Variants in CADM2 observed in about 807,000 individuals in gnomAD.
The protein encoded by CADM2 is cell adhesion molecule 2.
CADM2 carries 12 observed loss-of-function variants against 49.8 expected under a neutral mutation model. The observed-to-expected ratio is 0.24, with a 90% CI of 0.15 to 0.39. The LOEUF (loss-of-function observed/expected upper bound fraction) is 0.39. Ranked by LOEUF, CADM2 falls within the 10% of genes least tolerant of loss-of-function variation. CADM2 has a pLI of 1.00. For synonymous variants in CADM2, 214 were observed against 175.4 expected (o/e 1.22, Z -1.74); for missense variants, 378 against 492.3 (o/e 0.77, Z 2.20).
At chr3:85,406,172 T>C (rs1214955841) in intron 1 of CADM2, among the ~76,000 whole-genome samples, 2 of 152,030 alleles carry the variant, frequency 1.3e-5, no homozygotes, top group East Asian at 3.9e-4. Context: ...ACTGTATTGA[T>C]TATAAAAATG....
At chr3:85,337,004 A>T (rs1440583452) in intron 1 of CADM2, among the ~76,000 whole-genome samples, 6 of 136,812 alleles carry the variant, frequency 4.4e-5, no homozygotes, top group Admixed American at 1.5e-4. Flanking sequence ...AATATATATT[A>T]AATATAATAT....
At chr3:85,568,437 T>TTC (rs1161376935) in intron 1 of CADM2, among the ~76,000 whole-genome samples, 3 of 20,380 alleles carry the variant, frequency 1.5e-4, no homozygotes, top group Non-Finnish European at 3.3e-4. Flanking sequence ...CTTTCTTTCT[T>TTC]TCTTTCTTTC....
intron 1 of CADM2, among the ~76,000 whole-genome samples, chr3:85,433,535 C>T (rs2036785641): frequency 6.6e-6 from 1 of 152,130 alleles, no homozygotes; most frequent in African/African-American, 2.4e-5. Context: ...TGCTCCTTTG[C>T]CAGAGCATTG....
chr3:85,557,379 A>C (rs761306267), intron 1 of CADM2, among the ~76,000 whole-genome samples: 1 of 151,952 alleles, frequency 6.6e-6, no homozygotes, highest in African/African-American at 2.4e-5. Flanking sequence ...ACTAACAGTT[A>C]TTGAAACAGT....
chr3:84,959,158 A>T lies in CADM2; in HGVS notation c.-450A>T, dbSNP rs2030195029. The T allele has an allele frequency of 5.4e-6, 1 of 185,064 alleles. No homozygotes were observed. Among genetic ancestry groups the T allele is most frequent in the South Asian group, 8.5e-5 (1 of 11,754 alleles). 11.5% of individuals were successfully genotyped at this position (185,064 alleles called of 1,614,324 possible). ...CCGAGACACCCCGGGCGCGAGCGGC[A>T]GTGCTGCTTGCTTGCTCCTCCTCTC... is the stretch of plus-strand genomic sequence containing the variant. On this transcript the variant is annotated 5_prime_UTR_variant, in exon 1 of 10. Coordinates refer to ENST00000383699, the MANE Select transcript of CADM2 (RefSeq NM_001167675.2).
At chr3:85,449,684 A>G (rs1489003762) in intron 1 of CADM2, among the ~76,000 whole-genome samples, 1 of 152,192 alleles carries the variant, frequency 6.6e-6, no homozygotes, top group Non-Finnish European at 1.5e-5. Context: ...ACATTAAAGT[A>G]AATGTGGAAA....
At chr3:85,314,857 A>C (rs1553707739) in intron 1 of CADM2, among the ~76,000 whole-genome samples, 1 of 152,222 alleles carries the variant, frequency 6.6e-6, no homozygotes, top group Non-Finnish European at 1.5e-5. Flanking sequence ...TTTTCTAGTT[A>C]TGATAAAACA....
chr3:85,574,875 C>G (rs557249795), intron 1 of CADM2, among the ~76,000 whole-genome samples: 1 of 152,132 alleles, frequency 6.6e-6, no homozygotes, highest in African/African-American at 2.4e-5. Flanking sequence ...TCTCTGGTCA[C>G]AGCAGGAGGC....
intron 1 of CADM2, among the ~76,000 whole-genome samples, chr3:85,543,123 A>C (rs2107054973): frequency 6.6e-6 from 1 of 152,302 alleles, no homozygotes; most frequent in Non-Finnish European, 1.5e-5. Flanking sequence ...TTTGAAAGGC[A>C]GTAGATGTCC....
intron 2 of CADM2, among the ~76,000 whole-genome samples, chr3:85,736,086 GATCA>G (rs1230569012): frequency 6.6e-6 from 1 of 151,758 alleles, no homozygotes; most frequent in Non-Finnish European, 1.5e-5. Flanking sequence ...GCCTTAAAGA[GATCA>G]ATCAGATGAT....
chr3:86,016,738 G>C (rs1732287420), intron 8 of CADM2, among the ~76,000 whole-genome samples: 1 of 151,972 alleles, frequency 6.6e-6, no homozygotes, highest in Non-Finnish European at 1.5e-5. Flanking sequence ...TTAACACTTA[G>C]GGAAATCATG....
chr3:85,606,401 G>C (rs151149983), intron 1 of CADM2, among the ~76,000 whole-genome samples: 1 of 152,158 alleles, frequency 6.6e-6, no homozygotes, highest in African/African-American at 2.4e-5. Flanking sequence ...AGCAAAATTG[G>C]AGTGCCCGCA....
chr3:85,025,955 C>G (rs1398655258), intron 1 of CADM2, among the ~76,000 whole-genome samples: 6 of 152,086 alleles, frequency 3.9e-5, no homozygotes, highest in Admixed American at 1.3e-4. Flanking sequence ...TAAAGATTTT[C>G]TGGCTCTGAA....
Position 85,567,333 on chromosome 3 carries a change from ATTTTC to A in CADM2, c.62-159183_62-159179del, listed in dbSNP as rs113059820. On this transcript the variant is annotated intron_variant, in intron 1 of 9. Coordinates refer to ENST00000383699, the MANE Select transcript of CADM2 (RefSeq NM_001167675.2). ...TTTACTGCCTTACTTTTCCATGAGT[ATTTTC>A]TTTTCCTTAAAACACATTTTCTTAC... Among the ~76,000 whole-genome samples the A allele has an allele frequency of 9.7e-3, 1,479 of 152,188 alleles. 25 individuals carry two copies. Among genetic ancestry groups the A allele is most frequent in the African/African-American group, 0.032 (1,317 of 41,526 alleles).
chr3:85,648,924 A>C (rs915292576), intron 1 of CADM2, among the ~76,000 whole-genome samples: 1 of 151,822 alleles, frequency 6.6e-6, no homozygotes, highest in African/African-American at 2.4e-5. Flanking sequence ...TTTTCCTCCC[A>C]CAGTGGATTT....
chr3:85,014,199 C>T (rs1055278116), intron 1 of CADM2, among the ~76,000 whole-genome samples: 21 of 142,626 alleles, frequency 1.5e-4, no homozygotes, highest in Admixed American at 2.9e-4. Flanking sequence ...ATTATATATA[C>T]GCAGTGTAAT....
intron 1 of CADM2, among the ~76,000 whole-genome samples, chr3:85,724,042 A>G (rs2067600388): frequency 6.6e-6 from 1 of 152,020 alleles, no homozygotes; most frequent in Non-Finnish European, 1.5e-5. Flanking sequence ...CACACAAAAA[A>G]TAACTAAATA....
chr3:85,593,358 C>T (rs148659022), intron 1 of CADM2, among the ~76,000 whole-genome samples: 4 of 151,998 alleles, frequency 2.6e-5, no homozygotes, highest in African/African-American at 7.2e-5. Context: ...AAGATTTTTA[C>T]TTTTGAATAC....
At chr3:85,593,356 T>A (rs2063158526) in intron 1 of CADM2, among the ~76,000 whole-genome samples, 1 of 151,990 alleles carries the variant, frequency 6.6e-6, no homozygotes, top group Admixed American at 6.6e-5. Flanking sequence ...GCAAGATTTT[T>A]ACTTTTGAAT....
Sources: allele counts gnomAD v4.1 joint callset (sites outside exome capture counted in the v4.1 genomes callset), GRCh38; gene constraint gnomAD v4.1.1; transcripts MANE v1.5; gene names NCBI Gene and HGNC (gene_info 2026-07-23, HGNC 2026-07-21).